Variants in USP7 observed in about 807,000 individuals in gnomAD.
USP7 encodes the protein ubiquitin C-terminal hydrolase 7.
USP7 carries 9 observed loss-of-function variants against 162.9 expected under a neutral mutation model. The observed-to-expected ratio is 0.06, with a 90% CI of 0.03 to 0.10. The LOEUF (loss-of-function observed/expected upper bound fraction) is 0.10. Among genes scored for constraint, USP7 ranks in the 10% least tolerant of loss-of-function variants. USP7 has a pLI of 1.00. For missense variants in USP7, 715 were observed against 1,373.7 expected (o/e 0.52, Z 7.58); for synonymous variants, 562 against 475.9 (o/e 1.18, Z -2.35).
chr16:8,937,318 G>C (rs1410232409), intron 1 of USP7, among the ~76,000 whole-genome samples: 1 of 152,216 alleles, frequency 6.6e-6, no homozygotes, highest in Non-Finnish European at 1.5e-5. Flanking sequence ...GCTGAGGCGG[G>C]CGGATCACCT....
At chr16:8,907,890 C>G (rs982770159) in intron 12 of USP7, among the ~76,000 whole-genome samples, 1 of 152,214 alleles carries the variant, frequency 6.6e-6, no homozygotes, top group African/African-American at 2.4e-5. Context: ...CTTTAGCATT[C>G]TTGAAAACTC....
rs1250355577 is a variant in USP7 at position 8,894,441 on chromosome 16, G to A, written c.3202+109C>T. The A allele has an allele frequency of 3.7e-6, 4 of 1,090,958 alleles. No individual in the cohort carries two copies. The African/African-American group carries it at 4.8e-5, about 13-fold the overall frequency. 67.6% of individuals were successfully genotyped at this position (1,090,958 alleles called of 1,614,324 possible). Reference sequence around the variant, plus strand: ...CTCCTGGTTCCACAGGTCGGCCAGTGGAGAGAGAGGAGCTGGCACTTGACC... The same window carrying A: ...CTCCTGGTTCCACAGGTCGGCCAGTAGAGAGAGAGGAGCTGGCACTTGACC... On this transcript the variant is annotated intron_variant, in intron 30 of 30. Coordinates refer to ENST00000344836, the MANE Select transcript of USP7 (RefSeq NM_003470.3).
intron 1 of USP7, among the ~76,000 whole-genome samples, chr16:8,953,198 TC>T (rs1411453132): frequency 6.6e-6 from 1 of 151,938 alleles, no homozygotes; most frequent in Non-Finnish European, 1.5e-5. Context: ...AGGCTCCCCC[TC>T]CCCGCGGTAA....
In USP7 at chr16:8,923,705, T is replaced by TC. The variant is rs776415718; in HGVS notation, c.185-293dup. On this transcript the variant is annotated intron_variant, in intron 2 of 30. Coordinates refer to ENST00000344836, the MANE Select transcript of USP7 (RefSeq NM_003470.3). ...AATGTCTACTTTACTAAAGCTGAAT[T>TC]CCCAAGGACCCCAGGCACCAAGTGA... 7.3e-4 allele frequency among the ~76,000 whole-genome samples: 111 copies of TC among 152,284 alleles called. 1 individual carries two copies. Among genetic ancestry groups the TC allele is most frequent in the South Asian group, 8.3e-4 (4 of 4,824 alleles).
intron 23 of USP7, 121 bp from the exon 24 acceptor site, chr16:8,898,760 A>G: frequency 1.3e-6 from 1 of 772,386 alleles, no homozygotes; most frequent in Non-Finnish European, 2.0e-6. Flanking sequence ...TGGACCTAGC[A>G]TGGGGTTTAA....
chr16:8,929,012 CTA>C (rs1898169855), intron 2 of USP7, among the ~76,000 whole-genome samples: 1 of 73,490 alleles, frequency 1.4e-5, no homozygotes, highest in South Asian at 7.4e-4. Context: ...AAGCTCCGCC[CTA>C]TATCTATGTC....
At position 8,925,536 on chromosome 16, in the gene USP7, A is replaced by C. The variant is rs548766836; in HGVS notation, c.185-2123T>G. 8.5e-5 allele frequency among the ~76,000 whole-genome samples: 13 copies of C among 152,282 alleles called. No individual in the cohort carries two copies. The East Asian group carries it at 2.5e-3, about 29-fold the overall frequency. On this transcript the variant is annotated intron_variant, in intron 2 of 30. Coordinates refer to ENST00000344836, the MANE Select transcript of USP7 (RefSeq NM_003470.3). ...TTTGGAACTTTCACCCTATACATTA[A>C]ATTTTCCAAGGTACTCCTTAAACAT... is the stretch of plus-strand genomic sequence containing the variant.
At chr16:8,900,792 T>A in intron 20 of USP7, 162 bp from the exon 21 acceptor site, 1 of 714,684 alleles carries the variant, frequency 1.4e-6, no homozygotes, top group East Asian at 2.8e-5. Flanking sequence ...TCCACAAATA[T>A]GTAACAATCA....
chr16:8,935,938 C>T (rs376232889), intron 1 of USP7: 1 of 152,282 alleles, frequency 6.6e-6, no homozygotes, highest in East Asian at 1.9e-4. Flanking sequence ...CACTTCAGCA[C>T]GCGAATCTAA....
chr16:8,950,998 G>C (rs1049659252), intron 1 of USP7, among the ~76,000 whole-genome samples: 1 of 152,188 alleles, frequency 6.6e-6, no homozygotes, highest in Non-Finnish European at 1.5e-5. Flanking sequence ...AAACTGATCT[G>C]ATGCAACGTC....
At chr16:8,927,903 G>C (rs916871505) in intron 2 of USP7, among the ~76,000 whole-genome samples, 1 of 152,276 alleles carries the variant, frequency 6.6e-6, no homozygotes, top group Middle Eastern at 3.4e-3. Flanking sequence ...CCAACACATT[G>C]GGAGGCCAAG....
chr16:8,941,150 C>T (rs1334352803), intron 1 of USP7, among the ~76,000 whole-genome samples: 1 of 152,184 alleles, frequency 6.6e-6, no homozygotes, highest in African/African-American at 2.4e-5. Context: ...ATGAGGACCC[C>T]CCGCCCCACC....
intron 2 of USP7, among the ~76,000 whole-genome samples, chr16:8,925,101 A>G (rs1596384134): frequency 6.6e-6 from 1 of 152,240 alleles, no homozygotes; most frequent in Non-Finnish European, 1.5e-5. Context: ...TCAGGAGTTA[A>G]GTTCTGCAAG....
At chr16:8,926,701 T>C (rs897807454) in intron 2 of USP7, among the ~76,000 whole-genome samples, 6 of 152,204 alleles carry the variant, frequency 3.9e-5, no homozygotes, top group Admixed American at 3.3e-4. Context: ...ACACCCACAT[T>C]CACTGCAAAA....
chr16:8,894,224 C>CCTGCG, intron 30 of USP7, 120 bp from the exon 31 acceptor site: 1 of 942,208 alleles, frequency 1.1e-6, no homozygotes, highest in Non-Finnish European at 1.7e-6. Flanking sequence ...CGCAGGGAAG[C>CCTGCG]CAGGACCTGA....
chr16:8,948,587 C>G (rs117184416), intron 1 of USP7, among the ~76,000 whole-genome samples: 1,889 of 152,260 alleles, frequency 0.012, 22 homozygotes, highest in Non-Finnish European at 0.015. Flanking sequence ...TGACACAATC[C>G]TAAGAACCTG....
intron 24 of USP7, 46 bp downstream of exon 24, chr16:8,898,485 G>A (rs2304465): frequency 0.4 from 646,626 of 1,603,064 alleles, 131,807 homozygotes; most frequent in Middle Eastern, 0.47. Flanking sequence ...CCAAAACCCC[G>A]AGCCTTCTCT....
chr16:8,905,778 A>G (rs1305942251), intron 13 of USP7, among the ~76,000 whole-genome samples: 2 of 152,238 alleles, frequency 1.3e-5, no homozygotes, highest in Admixed American at 6.5e-5. Flanking sequence ...GAAGCAAGTT[A>G]AGGGCCAGAC....
At chr16:8,936,609 G>T in intron 1 of USP7, 1 of 1,557,836 alleles carries the variant, frequency 6.4e-7, no homozygotes, top group Non-Finnish European at 8.6e-7. Context: ...GTGGTTCCCA[G>T]CCATCTCTGC....
Sources: allele counts gnomAD v4.1 joint callset (sites outside exome capture counted in the v4.1 genomes callset), GRCh38; gene constraint gnomAD v4.1.1; transcripts MANE v1.5; gene names NCBI Gene and HGNC (gene_info 2026-07-23, HGNC 2026-07-21).